The following VIRMA variants were observed in gnomAD, a reference collection of about 807,000 sequenced individuals.
The protein encoded by VIRMA is protein virilizer homolog.
VIRMA carries 65 observed loss-of-function variants against 182.4 expected under a neutral mutation model. The observed-to-expected ratio is 0.36, with a 90% confidence interval of 0.29 to 0.44. The LOEUF is 0.44. VIRMA is among the 20% of genes least tolerant of loss of function. The probability of loss-of-function intolerance (pLI) is 1.00; values close to 1 mark genes in which losing one functional copy is unlikely to be tolerated. For missense variants in VIRMA, 1,752 were observed against 2,158.1 expected, an observed-to-expected ratio of 0.81 and a Z score of 3.73; for synonymous variants, 709 against 743.1, an observed-to-expected ratio of 0.95 and a Z score of 0.75.
At chr8:94,522,665 T>C (rs1814814379) in intron 8 of VIRMA, among the ~76,000 whole-genome samples, 1 of 152,184 alleles carries the variant, frequency 6.6e-6, no homozygotes, top group African/African-American at 2.4e-5. Context: ...CTAGTACTAT[T>C]ATATAATATA....
chr8:94,543,223 G>A (rs1329447006), intron 2 of VIRMA, among the ~76,000 whole-genome samples: 1 of 151,448 alleles, frequency 6.6e-6, no homozygotes, highest in Non-Finnish European at 1.5e-5. Flanking sequence ...TGACCAATAT[G>A]GTGAAACCCC....
At chr8:94,538,849 G>A (rs1413804565) in intron 2 of VIRMA, among the ~76,000 whole-genome samples, 1 of 152,026 alleles carries the variant, frequency 6.6e-6, no homozygotes, top group East Asian at 1.9e-4. Context: ...CCTGACCTCA[G>A]GAGATTCACC....
At chr8:94,513,912 G>T (rs1183425029) in intron 11 of VIRMA, among the ~76,000 whole-genome samples, 1 of 152,202 alleles carries the variant, frequency 6.6e-6, no homozygotes, top group Non-Finnish European at 1.5e-5. Flanking sequence ...TCTTAGGAGA[G>T]TTGGAGTACA....
intron 18 of VIRMA, 121 bp downstream of exon 18, chr8:94,496,206 GA>G (rs1331322269): frequency 8.5e-6 from 7 of 828,082 alleles, no homozygotes; most frequent in Non-Finnish European, 1.3e-5. Flanking sequence ...AGAGTTATTT[GA>G]AATGGTACAA....
chr8:94,551,228 C>G (rs1815976090), intron 1 of VIRMA, among the ~76,000 whole-genome samples: 1 of 152,186 alleles, frequency 6.6e-6, no homozygotes, highest in African/African-American at 2.4e-5. Context: ...TTGATGAAGT[C>G]TTTCCTGATA....
chr8:94,506,590 T>C lies in VIRMA; in HGVS notation c.4007A>G (p.Asn1336Ser). The change falls in exon 16 of 24, where the codon AAC becomes AGC. Residue 1336 changes from asparagine to serine, a missense_variant. Transcript: ENST00000297591. ...TAAACAGTTGTAACTGCTCTCAGAGTTAGCTAGCGTAGCCAACAGACAGTC... is the reference window on the plus strand; with the variant it reads ...TAAACAGTTGTAACTGCTCTCAGAGCTAGCTAGCGTAGCCAACAGACAGTC... ...ICDCLLATLA[N>S]SESSYNCLLT... The C allele has an allele frequency of 6.2e-7, 1 of 1,613,798 alleles. No homozygotes were observed. Among genetic ancestry groups the C allele is most frequent in the Non-Finnish European group, 8.5e-7 (1 of 1,179,778 alleles).
chr8:94,493,010 G>C (rs1813655327), intron 20 of VIRMA, among the ~76,000 whole-genome samples, 192 bp from the exon 21 acceptor site: 1 of 152,106 alleles, frequency 6.6e-6, no homozygotes, highest in African/African-American at 2.4e-5. Context: ...ACACACCTTA[G>C]TAATGCTACT....
At chr8:94,523,103 T>C (rs1014082010) in intron 8 of VIRMA, among the ~76,000 whole-genome samples, 3 of 152,174 alleles carry the variant, frequency 2.0e-5, no homozygotes, top group African/African-American at 7.2e-5. Flanking sequence ...TAAATTTCTT[T>C]ACAATCTCCA....
intron 16 of VIRMA, among the ~76,000 whole-genome samples, chr8:94,501,975 G>C (rs1479551501): frequency 6.6e-6 from 1 of 152,108 alleles, no homozygotes. Flanking sequence ...CAAATCTATT[G>C]TTTCTTTGTT....
At position 94,529,095 on chromosome 8, in the gene VIRMA, TTCTTCCTCTTCA is replaced by T. The variant is rs1563474627; in HGVS notation, c.843_854del (p.Asp281_Glu284del). On this transcript the variant is annotated inframe_deletion, in exon 7 of 24. Coordinates refer to ENST00000297591, the MANE Select transcript of VIRMA (RefSeq NM_015496.5). ...CTTCACCTTCTTCATCCTCTTCACC[TTCTTCCTCTTCA>T]TCTTCCTCTTCCTCCTCAGGAATAC... 6.3e-7 allele frequency: 1 copy of T among 1,579,238 alleles called. No homozygotes were observed. The highest frequency in any genetic ancestry group is 8.7e-7 in the Non-Finnish European group (1 of 1,148,530).
In VIRMA at chr8:94,509,926, T is replaced by C. The variant is rs1399594172; in HGVS notation, c.3641A>G (p.Lys1214Arg). ...GGTTTGGCTAGTATACTGTTTTTCT[T>C]TATCTTCTGAAGTGCTGAAATAAAA... is the stretch of plus-strand genomic sequence containing the variant. ...VEDLQSTSED[K>R]EKQYTSQTTR... The change falls in exon 15 of 24, where the codon AAA (lysine) becomes AGA (arginine). Residue 1214 changes from lysine (K) to arginine (R), a missense_variant. Around this residue, in one of 11 missense-constraint regions of VIRMA, gnomAD observed 777 missense variants for 920.6 expected, o/e 0.84. Transcript: ENST00000297591. The C allele has an allele frequency of 6.2e-7, 1 of 1,608,970 alleles. No homozygotes were observed. Among genetic ancestry groups the C allele is most frequent in the African/African-American group, 1.3e-5 (1 of 74,654 alleles).
At position 94,543,834 on chromosome 8, in the gene VIRMA, C is replaced by T; in HGVS notation, c.172G>A (p.Ala58Thr). The T allele has an allele frequency of 5.7e-6, 9 of 1,569,388 alleles. No homozygotes were observed. Among genetic ancestry groups the T allele is most frequent in the Non-Finnish European group, 7.0e-6 (8 of 1,143,244 alleles). The change falls in exon 2 of 24, where the codon GCA becomes ACA. Residue 58 changes from alanine to threonine, a missense_variant. Transcript: ENST00000297591. ...AAAAGAGAGTTGACTTACCCATATGCTCTATTGTCTGGCAGACTGCTATGG... is the reference window on the plus strand; with the variant it reads ...AAAAGAGAGTTGACTTACCCATATGTTCTATTGTCTGGCAGACTGCTATGG... ...RAHSSLPDNR[A>T]YGETSPHTFQ...
chr8:94,538,408 A>T (rs1815417533), intron 2 of VIRMA, 62 bp from the exon 3 acceptor site: 1 of 989,872 alleles, frequency 1.0e-6, no homozygotes, highest in Non-Finnish European at 1.6e-6. Flanking sequence ...AATTAAAACA[A>T]ATAACATAGT....
chr8:94,508,876 T>C (rs1814256703), intron 15 of VIRMA, among the ~76,000 whole-genome samples: 3 of 151,956 alleles, frequency 2.0e-5, no homozygotes, highest in Middle Eastern at 6.8e-3. Context: ...CCATTAGGCA[T>C]AGAAATCTCC....
At chr8:94,513,425 CAAAAA>C (rs34173786) in intron 11 of VIRMA, among the ~76,000 whole-genome samples, 5,802 of 115,016 alleles carry the variant, frequency 0.05, 121 homozygotes, top group Non-Finnish European at 0.064. Flanking sequence ...GAGTCTAGAC[CAAAAA>C]AAAAAAAAAA....
intron 4 of VIRMA, 100 bp downstream of exon 4, chr8:94,537,002 AG>A (rs1815368380): frequency 2.5e-6 from 2 of 812,274 alleles, no homozygotes; most frequent in African/African-American, 1.7e-5. Flanking sequence ...AAAAAAAAAA[AG>A]ATATGACACT....
At chr8:94,552,885 G>C (rs151075078) in intron 1 of VIRMA, among the ~76,000 whole-genome samples, 237 of 152,200 alleles carry the variant, frequency 1.6e-3, no homozygotes, top group African/African-American at 5.5e-3. Context: ...GGCCAAATCG[G>C]AGAGCACCGT....
At chr8:94,489,328 C>T (rs1345556382) in intron 23 of VIRMA, among the ~76,000 whole-genome samples, 1 of 152,172 alleles carries the variant, frequency 6.6e-6, no homozygotes, top group Non-Finnish European at 1.5e-5. Context: ...TCAGATTATA[C>T]AAACAGTTCA....
chr8:94,493,186 C>T (rs1813661120), intron 20 of VIRMA, among the ~76,000 whole-genome samples: 1 of 152,144 alleles, frequency 6.6e-6, no homozygotes, highest in African/African-American at 2.4e-5. Flanking sequence ...CTTATATAGT[C>T]AACATTTCTA....
Sources: allele counts gnomAD v4.1 joint callset (sites outside exome capture counted in the v4.1 genomes callset), GRCh38; gene constraint gnomAD v4.1.1; regional missense constraint gnomAD v4.1.1; transcripts MANE v1.5; gene names NCBI Gene and HGNC (gene_info 2026-07-23, HGNC 2026-07-21).